Variants in UBA6 observed in about 807,000 individuals in gnomAD.
The protein encoded by UBA6 is ubiquitin-like modifier-activating enzyme 6.
A neutral mutation model predicts 148.3 loss-of-function variants in UBA6; 87 were observed. The ratio of observed to expected loss-of-function variants is 0.59; its 90% confidence interval spans 0.49 to 0.70. The LOEUF (loss-of-function observed/expected upper bound fraction) is 0.70, where lower values mean the gene tolerates loss of function less well. Ranked by LOEUF, UBA6 falls within the 30% of genes least tolerant of loss-of-function variation. The pLI is 0.00. For missense variants in UBA6, 1,186 were observed against 1,241.2 expected, an observed-to-expected ratio of 0.96 and a Z score of 0.67; for synonymous variants, 376 against 401.0, an observed-to-expected ratio of 0.94 and a Z score of 0.75.
intron 14 of UBA6, 70 bp downstream of exon 14, chr4:67,648,998 A>G (rs1729488404): frequency 2.7e-6 from 4 of 1,493,668 alleles, no homozygotes; most frequent in African/African-American, 2.8e-5. Context: ...ATATATTAAT[A>G]CTACATTATA....
chr4:67,696,772 G>T, intron 1 of UBA6, 65 bp from the exon 2 acceptor site: 2 of 1,305,588 alleles, frequency 1.5e-6, no homozygotes, highest in South Asian at 1.3e-5. Context: ...TTACTTGTGT[G>T]ATCAGATTCA....
rs1728683987 is a variant in UBA6, at chr4:67,618,698, T to C, written c.*299A>G. On this transcript the variant is annotated 3_prime_UTR_variant, in exon 33 of 33. Coordinates refer to ENST00000322244, the MANE Select transcript of UBA6 (RefSeq NM_018227.6). The stretch of plus-strand genomic sequence containing the variant: ...TATCTGTTCTGGTCATACATATTTT[T>C]TCCTTCTTTTTATCCAGAGAGATTA... 1.3e-5 allele frequency: 3 copies of C among 227,316 alleles called. No homozygotes were observed. Among genetic ancestry groups the C allele is most frequent in the Non-Finnish European group, 2.5e-5 (3 of 117,752 alleles). The allele number at this position is 227,316 out of a possible 1,614,324, so 14.1% of individuals were successfully genotyped here.
At chr4:67,645,549 A>T (rs1389970970) in intron 16 of UBA6, among the ~76,000 whole-genome samples, 1 of 152,036 alleles carries the variant, frequency 6.6e-6, no homozygotes, top group Non-Finnish European at 1.5e-5. Flanking sequence ...GTGAGCCGAG[A>T]TCATGCCACT....
At chr4:67,693,702 G>A (rs1215421979) in intron 2 of UBA6, among the ~76,000 whole-genome samples, 3 of 152,072 alleles carry the variant, frequency 2.0e-5, no homozygotes, top group East Asian at 3.9e-4. Context: ...CAAAATGGTC[G>A]GAACTGTGGC....
At chr4:67,650,838 C>G (rs1256113457) in intron 13 of UBA6, among the ~76,000 whole-genome samples, 1 of 151,986 alleles carries the variant, frequency 6.6e-6, no homozygotes, top group African/African-American at 2.4e-5. Context: ...GAATGTCATC[C>G]TGGGAGAGAA....
At chr4:67,665,363 T>A in intron 9 of UBA6, 71 bp from the exon 10 acceptor site, 1 of 911,464 alleles carries the variant, frequency 1.1e-6, no homozygotes, top group Non-Finnish European at 1.7e-6. Flanking sequence ...CTTATTGTCA[T>A]AAGAGGTTAA....
At chr4:67,644,846 T>A (rs1729385806) in intron 16 of UBA6, 68 bp from the exon 17 acceptor site, 4 of 764,916 alleles carry the variant, frequency 5.2e-6, no homozygotes, top group Non-Finnish European at 8.7e-6. Context: ...TACTTTGAAA[T>A]ATTTAACAGG....
intron 13 of UBA6, 83 bp from the exon 14 acceptor site, chr4:67,649,294 T>C: frequency 1.5e-6 from 2 of 1,318,308 alleles, no homozygotes; most frequent in South Asian, 3.5e-5. Context: ...ATGTGAGAAT[T>C]AGAACTTAAC....
chr4:67,678,577 G>T, intron 4 of UBA6, 44 bp from the exon 5 acceptor site: 1 of 1,051,804 alleles, frequency 9.5e-7, no homozygotes, highest in South Asian at 1.4e-5. Context: ...GGAGTTCAAG[G>T]ATATGCACTC....
At chr4:67,696,183 A>C (rs1006202871) in intron 2 of UBA6, among the ~76,000 whole-genome samples, 3 of 152,132 alleles carry the variant, frequency 2.0e-5, no homozygotes, top group Non-Finnish European at 4.4e-5. Context: ...ACTAAAGTGA[A>C]ATATTATTCT....
chr4:67,676,888 A>G (rs1730293357), intron 6 of UBA6, among the ~76,000 whole-genome samples: 1 of 149,072 alleles, frequency 6.7e-6, no homozygotes, highest in Admixed American at 6.8e-5. Context: ...TCACAGCATA[A>G]TTTACTCACA....
intron 25 of UBA6, among the ~76,000 whole-genome samples, chr4:67,631,129 G>A (rs1262940730): frequency 6.6e-6 from 1 of 152,170 alleles, no homozygotes; most frequent in African/African-American, 2.4e-5. Context: ...GGGAAGCTGA[G>A]GTGCGAGGAT....
At chr4:67,654,366 G>A (rs1729629547) in intron 13 of UBA6, among the ~76,000 whole-genome samples, 1 of 152,226 alleles carries the variant, frequency 6.6e-6, no homozygotes, top group Non-Finnish European at 1.5e-5. Flanking sequence ...TGCCAGAAGA[G>A]AGTGGGGGCC....
chr4:67,683,374 C>T (rs561895091), intron 2 of UBA6, among the ~76,000 whole-genome samples: 22 of 152,176 alleles, frequency 1.4e-4, no homozygotes, highest in Admixed American at 5.2e-4. Context: ...CTGATGTCTG[C>T]AACTGGTCAT....
At chr4:67,660,244 A>G (rs1729815634) in intron 13 of UBA6, among the ~76,000 whole-genome samples, 1 of 152,236 alleles carries the variant, frequency 6.6e-6, no homozygotes, top group Admixed American at 6.5e-5. Context: ...TTCCATAAAT[A>G]ACAAGCAGCC....
Position 67,616,414 on chromosome 4 carries a change from AGT to A in UBA6, c.*2581_*2582del, listed in dbSNP as rs774032997. 3.3e-6 allele frequency: 1 copy of A among 306,958 alleles called. No individual in the cohort carries two copies. The highest frequency in any genetic ancestry group is 5.9e-6 in the Non-Finnish European group (1 of 169,258). 19.0% of individuals were successfully genotyped at this position (306,958 alleles called of 1,614,324 possible). On this transcript the variant is annotated 3_prime_UTR_variant, in exon 33 of 33. Transcript: ENST00000322244. The stretch of plus-strand genomic sequence containing the variant: ...TTTAATGTTCCATGAATATCACCAG[AGT>A]GTGACATAGTAGATTAAAAAATAAA...
chr4:67,687,424 T>C (rs759223932), intron 2 of UBA6, among the ~76,000 whole-genome samples: 1 of 152,210 alleles, frequency 6.6e-6, no homozygotes, highest in Non-Finnish European at 1.5e-5. Flanking sequence ...CTCCAGTTCA[T>C]ATAAAAGTCA....
At chr4:67,627,086 T>C (rs1198820920) in intron 27 of UBA6, among the ~76,000 whole-genome samples, 1 of 151,848 alleles carries the variant, frequency 6.6e-6, no homozygotes, top group Non-Finnish European at 1.5e-5. Flanking sequence ...AGGGAGTACA[T>C]ACCACAAGTA....
intron 10 of UBA6, among the ~76,000 whole-genome samples, chr4:67,664,751 A>C (rs996684619): frequency 3.3e-5 from 5 of 152,136 alleles, no homozygotes; most frequent in African/African-American, 7.2e-5. Flanking sequence ...AAAATTTAAA[A>C]ACCAGGATTA....
Sources: gnomAD v4.1 joint callset for allele counts (sites outside exome capture counted in the v4.1 genomes callset) on GRCh38, gnomAD v4.1.1 for gene constraint, MANE v1.5 for transcripts, NCBI Gene and HGNC (gene_info 2026-07-23, HGNC 2026-07-21) for gene names.